Variants in CCDC85C observed in about 807,000 individuals in gnomAD.
The protein encoded by CCDC85C is coiled-coil domain containing 85C.
CCDC85C carries 18 observed loss-of-function variants against 38.3 expected under a neutral mutation model. That is an observed-to-expected ratio of 0.47 (90% CI 0.33 to 0.70). The LOEUF is 0.70. Among genes scored for constraint, CCDC85C ranks in the 30% least tolerant of loss-of-function variants. CCDC85C has a pLI of 0.03. For synonymous variants in CCDC85C, 264 were observed against 293.8 expected (o/e 0.90, Z 1.04); for missense variants, 566 against 621.2 (o/e 0.91, Z 0.94).
In CCDC85C at chr14:99,547,777, GA is replaced by G. The variant is rs956389912; in HGVS notation, c.794-11690del. Among the ~76,000 whole-genome samples the G allele has an allele frequency of 1.5e-3, 190 of 130,106 alleles. 1 individual carries two copies. Among genetic ancestry groups the G allele is most frequent in the Non-Finnish European group, 1.3e-3 (78 of 59,946 alleles). The allele number at this position is 130,106 out of a possible 152,430, so 85.4% of individuals were successfully genotyped here. On this transcript the variant is annotated intron_variant, in intron 1 of 5. Coordinates refer to ENST00000380243, the MANE Select transcript of CCDC85C (RefSeq NM_001144995.2). ...TGACAGAGCGAGACTCTGTCCCAAA[GA>G]AAAAAAAAAAGAAAACCACAGGATT...
intron 1 of CCDC85C, among the ~76,000 whole-genome samples, chr14:99,538,189 C>G (rs912171553): frequency 2.0e-5 from 3 of 152,190 alleles, no homozygotes; most frequent in Non-Finnish European, 4.4e-5. Context: ...GCAGAGGCCA[C>G]AAGGAACAAA....
chr14:99,580,858 C>A (rs1010481197), intron 1 of CCDC85C, among the ~76,000 whole-genome samples: 11 of 152,128 alleles, frequency 7.2e-5, no homozygotes, highest in Admixed American at 1.3e-4. Context: ...GAGCAAGACT[C>A]CATCTCAAGA....
chr14:99,502,677 A>G lies in CCDC85C; in HGVS notation c.*12569T>C. The G allele has an allele frequency of 6.3e-7, 1 of 1,584,554 alleles. No homozygotes were observed. Among genetic ancestry groups the G allele is most frequent in the Non-Finnish European group, 8.7e-7 (1 of 1,154,352 alleles). Reference sequence around the variant, plus strand: ...TTTATCCAGGTAAAATTTTATTTAAAATACCAATTTGTGTAAAATGTAATT... The same window carrying G: ...TTTATCCAGGTAAAATTTTATTTAAGATACCAATTTGTGTAAAATGTAATT... On this transcript the variant is annotated 3_prime_UTR_variant, in exon 6 of 6. Transcript: ENST00000380243.
chr14:99,591,476 T>A (rs1244100446), intron 1 of CCDC85C, among the ~76,000 whole-genome samples: 1 of 152,222 alleles, frequency 6.6e-6, no homozygotes, highest in African/African-American at 2.4e-5. Flanking sequence ...GCGCGAGGGC[T>A]GCAGGTCCCA....
At position 99,510,217 on chromosome 14, in the gene CCDC85C, C is replaced by T; in HGVS notation, c.*5029G>A. 2 of 1,596,538 alleles carry T rather than the reference C, an allele frequency of 1.3e-6. No homozygotes were observed. Among genetic ancestry groups the T allele is most frequent in the African/African-American group, 1.3e-5 (1 of 74,716 alleles). The stretch of plus-strand genomic sequence containing the variant: ...GCTGAGCCGCCGGGCCCTGTGGATG[C>T]CACTGACCTCCCCAAAGTCCAGATT... On this transcript the variant is annotated 3_prime_UTR_variant, in exon 6 of 6. Transcript: ENST00000380243.
rs577549285 is a variant in CCDC85C, at chr14:99,555,476, C to T, written c.794-19388G>A. Among the ~76,000 whole-genome samples, 40 of 152,314 alleles carry T rather than the reference C, an allele frequency of 2.6e-4. No individual in the cohort carries two copies. The Middle Eastern group carries it at 0.014, about 52-fold the overall frequency. On this transcript the variant is annotated intron_variant, in intron 1 of 5. Coordinates refer to ENST00000380243, the MANE Select transcript of CCDC85C (RefSeq NM_001144995.2). Reference sequence around the variant, plus strand: ...CCTGGGCCTTCAAATCCCTTCTCCTCCCTGGCACACAGCCACTTTTTTCTC... The same window carrying T: ...CCTGGGCCTTCAAATCCCTTCTCCTTCCTGGCACACAGCCACTTTTTTCTC...
At chr14:99,599,291 G>GTTGGAGGAACT (rs2055175364) in intron 1 of CCDC85C, among the ~76,000 whole-genome samples, 1 of 152,132 alleles carries the variant, frequency 6.6e-6, no homozygotes, top group African/African-American at 2.4e-5. Flanking sequence ...AGGCTTGCTA[G>GTTGGAGGAACT]AATCCTAGTT....
rs907793095 is a variant in CCDC85C, at chr14:99,558,891, G to A, written c.794-22803C>T. 1.3e-5 allele frequency among the ~76,000 whole-genome samples: 2 copies of A among 152,148 alleles called. No homozygotes were observed. The highest frequency in any genetic ancestry group is 6.5e-5 in the Admixed American group (1 of 15,282). On this transcript the variant is annotated intron_variant, in intron 1 of 5. Coordinates refer to ENST00000380243, the MANE Select transcript of CCDC85C (RefSeq NM_001144995.2). This position sits in a 1 kb window ranked among gnomAD's most constrained non-coding sequence, Gnocchi z 4.2. ...CTGGAGGGAGGTGACCGGATCATCC[G>A]GGTGGTTTCTGATGGTTTAGTGCCA...
chr14:99,579,993 C>A (rs114496181), intron 1 of CCDC85C: 29,959 of 452,862 alleles, frequency 0.066, 1,881 homozygotes, highest in African/African-American at 0.19. Context: ...AGCGGACCAC[C>A]ATGACAAACC....
chr14:99,600,183 G>A (rs978775529), intron 1 of CCDC85C, among the ~76,000 whole-genome samples: 1 of 152,256 alleles, frequency 6.6e-6, no homozygotes, highest in African/African-American at 2.4e-5. Flanking sequence ...AGAGGAAACT[G>A]AGGTCTGTTG....
chr14:99,551,969 G>A (rs946574102), intron 1 of CCDC85C, among the ~76,000 whole-genome samples: 4 of 152,192 alleles, frequency 2.6e-5, no homozygotes, highest in Non-Finnish European at 5.9e-5. Context: ...TAAATTCCAG[G>A]CCCCGGGCCC....
chr14:99,592,887 G>C (rs1206073817), intron 1 of CCDC85C, among the ~76,000 whole-genome samples: 1 of 152,234 alleles, frequency 6.6e-6, no homozygotes. Flanking sequence ...CAAAGGCGAG[G>C]GGGAGAAGAG....
intron 1 of CCDC85C, among the ~76,000 whole-genome samples, chr14:99,599,940 T>C (rs1005347887): frequency 1.3e-5 from 2 of 152,164 alleles, no homozygotes; most frequent in Non-Finnish European, 2.9e-5. Flanking sequence ...ACATACACAA[T>C]ACACAGGCCC....
chr14:99,579,675 A>G (rs1413597962), intron 1 of CCDC85C, among the ~76,000 whole-genome samples: 2 of 152,048 alleles, frequency 1.3e-5, no homozygotes, highest in Non-Finnish European at 2.9e-5. Flanking sequence ...GGTGGGGGCT[A>G]TGGTCAGCTC....
Position 99,503,715 on chromosome 14 carries a change from T to C in CCDC85C, c.*11531A>G. The C allele has an allele frequency of 7.4e-7, 1 of 1,348,014 alleles. No homozygotes were observed. Among genetic ancestry groups the C allele is most frequent in the East Asian group, 2.5e-5 (1 of 39,808 alleles). The allele number at this position is 1,348,014 out of a possible 1,614,324, so 83.5% of individuals were successfully genotyped here. ...CAAAACTTTAAATTCTTAGCCAACA[T>C]TGTTTCTTTTCAGATCTAAATTGGC... On this transcript the variant is annotated 3_prime_UTR_variant, in exon 6 of 6. Transcript: ENST00000380243.
Position 99,502,868 on chromosome 14 carries a change from C to G in CCDC85C, c.*12378G>C, listed in dbSNP as rs1319314451. 6.2e-7 allele frequency: 1 copy of G among 1,612,942 alleles called. No individual in the cohort carries two copies. The highest frequency in any genetic ancestry group is 1.3e-5 in the African/African-American group (1 of 74,836). On this transcript the variant is annotated 3_prime_UTR_variant, in exon 6 of 6. Coordinates refer to ENST00000380243, the MANE Select transcript of CCDC85C (RefSeq NM_001144995.2). Reference sequence around the variant, plus strand: ...GTCACAGCCGTCTCAAAGCTCCGAACCATCCCAGCCCCAGCAGAAGGACCC... The same window carrying G: ...GTCACAGCCGTCTCAAAGCTCCGAAGCATCCCAGCCCCAGCAGAAGGACCC...
intron 1 of CCDC85C, among the ~76,000 whole-genome samples, chr14:99,554,915 C>T (rs1011839414): frequency 6.6e-6 from 1 of 152,242 alleles, no homozygotes; most frequent in Non-Finnish European, 1.5e-5. Context: ...CTTCCAAGGA[C>T]CCTTCTGGCA....
chr14:99,521,099 C>T (rs924375018), intron 3 of CCDC85C, among the ~76,000 whole-genome samples: 1 of 152,200 alleles, frequency 6.6e-6, no homozygotes. Context: ...TAACTGCTAG[C>T]TGCTATTACT....
rs2055238682 is a variant in CCDC85C at position 99,603,785 on chromosome 14, G to A, written c.175C>T (p.Arg59Trp). 6.6e-7 allele frequency: 1 copy of A among 1,525,720 alleles called. No individual in the cohort carries two copies. Among genetic ancestry groups the A allele is most frequent in the East Asian group, 2.5e-5 (1 of 39,782 alleles). The allele number at this position is 1,525,720 out of a possible 1,614,324, so 94.5% of individuals were successfully genotyped here. Reference protein sequence around the residue: ...HGGLMRDVNRRLQQHLLEIRG... With the variant: ...HGGLMRDVNRWLQQHLLEIRG... Reference sequence around the variant, plus strand: ...ATCTCCAGCAGGTGCTGCTGCAGCCGCCGGTTCACGTCGCGCATCAGGCCG... The same window carrying A: ...ATCTCCAGCAGGTGCTGCTGCAGCCACCGGTTCACGTCGCGCATCAGGCCG... The change falls in exon 1 of 6, where the codon CGG becomes TGG. Residue 59 changes from arginine to tryptophan, a missense_variant. Arg to Trp is a moderately radical substitution (Grantham distance 101). This residue lies in a region of CCDC85C where 269 missense variants were observed against 308.2 expected (regional missense o/e 0.87). Coordinates refer to ENST00000380243, the MANE Select transcript of CCDC85C (RefSeq NM_001144995.2). The surrounding 1 kb of genome is among the most constrained non-coding windows in gnomAD (Gnocchi z 7.5).
Sources: gnomAD v4.1 joint callset for allele counts (sites outside exome capture counted in the v4.1 genomes callset) on GRCh38, gnomAD v4.1.1 for gene constraint, gnomAD v4.1.1 regional missense constraint, Gnocchi (gnomAD v3.1) non-coding constraint, MANE v1.5 for transcripts, NCBI Gene and HGNC (gene_info 2026-07-23, HGNC 2026-07-21) for gene names.